Variants in CUX1 observed in about 807,000 individuals in gnomAD.
CUX1 encodes protein CASP.
Under a neutral mutation model 158.8 loss-of-function variants are expected in CUX1, and 31 were observed. The ratio of observed to expected loss-of-function variants is 0.20; its 90% CI spans 0.15 to 0.26. The LOEUF is 0.26. Among genes scored for constraint, CUX1 ranks in the 10% least tolerant of loss-of-function variants. CUX1 has a pLI of 1.00. For synonymous variants in CUX1, 879 were observed against 862.1 expected (o/e 1.02, Z -0.34); for missense variants, 1,589 against 2,014.6 (o/e 0.79, Z 4.04).
intron 4 of CUX1, among the ~76,000 whole-genome samples, chr7:102,078,613 A>G (rs1425751125): frequency 6.6e-6 from 1 of 152,166 alleles, no homozygotes; most frequent in Non-Finnish European, 1.5e-5. Flanking sequence ...TTTAAGATTT[A>G]AATCTTAGGA....
At chr7:102,001,930 A>G (rs1217968717) in intron 2 of CUX1, among the ~76,000 whole-genome samples, 2 of 152,218 alleles carry the variant, frequency 1.3e-5, no homozygotes, top group Non-Finnish European at 2.9e-5. Flanking sequence ...TCCTTTAGCT[A>G]TAGCGTTGGA....
intron 1 of CUX1, among the ~76,000 whole-genome samples, chr7:101,901,225 G>A (rs1000393364): frequency 3.3e-5 from 5 of 151,868 alleles, no homozygotes; most frequent in African/African-American, 1.2e-4. Context: ...GAAGAAACAG[G>A]GCTATACAAA....
intron 2 of CUX1, among the ~76,000 whole-genome samples, chr7:101,993,836 C>T (rs1280762870): frequency 6.6e-6 from 1 of 152,186 alleles, no homozygotes; most frequent in South Asian, 2.1e-4. Flanking sequence ...ACCCCTTCAT[C>T]CTCTGTGCTT....
At chr7:101,961,893 A>AT (rs1810545815) in intron 2 of CUX1, 1 of 151,968 alleles carries the variant, frequency 6.6e-6, no homozygotes, top group South Asian at 2.1e-4. Flanking sequence ...AAAAAAAAAA[A>AT]ATTGCAGAGA....
intron 10 of CUX1, 115 bp from the exon 11 acceptor site, chr7:102,178,354 A>G: frequency 9.7e-7 from 1 of 1,036,090 alleles, no homozygotes; most frequent in Non-Finnish European, 1.4e-6. Flanking sequence ...ACATCCTGCC[A>G]TCACCATCCA....
At chr7:101,912,118 C>T (rs1330904044) in intron 1 of CUX1, among the ~76,000 whole-genome samples, 8 of 151,984 alleles carry the variant, frequency 5.3e-5, no homozygotes, top group African/African-American at 1.5e-4. Context: ...TAGTTCTGAG[C>T]GGATACCCTC....
intron 1 of CUX1, among the ~76,000 whole-genome samples, chr7:101,904,460 G>T (rs938662710): frequency 6.6e-6 from 1 of 152,040 alleles, no homozygotes; most frequent in African/African-American, 2.4e-5. Flanking sequence ...TGGAAAGGCC[G>T]CAGCTTGTAA....
At chr7:102,258,404 G>C (rs1554542821), downstream of CUX1, among the ~76,000 whole-genome samples, 1 of 152,154 alleles carries the variant, frequency 6.6e-6, no homozygotes, top group Non-Finnish European at 1.5e-5. Context: ...AAAACCGTGT[G>C]GTTCTAGGAT....
intron 22 of CUX1, among the ~76,000 whole-genome samples, chr7:102,239,102 G>A (rs1049027245): frequency 6.6e-6 from 1 of 152,174 alleles, no homozygotes; most frequent in Admixed American, 6.5e-5. Context: ...GGCCAGGCTG[G>A]TCTTGAACTC....
Position 102,196,824 on chromosome 7 carries a change from C to T in CUX1, c.1413C>T (p.Pro471=). Residue 471 remains proline (P), a synonymous_variant, in exon 15 of 24, where the codon CCC becomes CCT. Transcript: ENST00000292535. ...CATCCCTGGCAAGCCCCAGCCTACC[C>T]CTGGCTTCTACAGGAAAATTTGCAC... ...FSSSLASPSL[P]LASTGKFALN... 1 of 1,614,192 alleles carries T rather than the reference C, an allele frequency of 6.2e-7. No homozygotes were observed. The highest frequency in any genetic ancestry group is 8.5e-7 in the Non-Finnish European group (1 of 1,180,042).
chr7:101,859,469 C>A (rs756163856), intron 1 of CUX1, among the ~76,000 whole-genome samples: 3 of 152,190 alleles, frequency 2.0e-5, no homozygotes, highest in Non-Finnish European at 4.4e-5. Context: ...CTGTTCTTTT[C>A]CATTTCCTAC....
Position 102,251,030 on chromosome 7 carries a change from A to G in CUX1, c.*1988A>G, listed in dbSNP as rs1490399095. The stretch of plus-strand genomic sequence containing the variant: ...TTTATTATCTGATTGTTAGGAAGGG[A>G]TGAAAGGGGCAAATATTCTTTAGAG... On this transcript the variant is annotated 3_prime_UTR_variant, in exon 24 of 24. Coordinates refer to ENST00000292535, the MANE Select transcript of CUX1 (RefSeq NM_181552.4). The G allele has an allele frequency of 2.5e-5, 25 of 982,310 alleles. 1 individual carries two copies. Among genetic ancestry groups the G allele is most frequent in the Non-Finnish European group, 1.2e-6 (1 of 827,488 alleles). The allele number at this position is 982,310 out of a possible 1,614,324, so 60.8% of individuals were successfully genotyped here. A position where few individuals can be genotyped will look rare whatever the true frequency, so the allele number is the denominator to read the frequency against.
At chr7:102,264,358 G>T (rs1321536660) in intron 14 of CUX1, among the ~76,000 whole-genome samples, 1 of 152,188 alleles carries the variant, frequency 6.6e-6, no homozygotes, top group Admixed American at 6.5e-5. Flanking sequence ...GAGCCCTGCA[G>T]ATGTGAGAAG....
At chr7:102,008,806 G>T (rs1332321986) in intron 2 of CUX1, among the ~76,000 whole-genome samples, 2 of 152,198 alleles carry the variant, frequency 1.3e-5, no homozygotes, top group African/African-American at 4.8e-5. Context: ...CGAGACCACA[G>T]CACAGTCATG....
Position 101,869,820 on chromosome 7 carries a change from C to T in CUX1, c.31-46295C>T, listed in dbSNP as rs1033994903. On this transcript the variant is annotated intron_variant, in intron 1 of 23. Coordinates refer to ENST00000292535, the MANE Select transcript of CUX1 (RefSeq NM_181552.4). This position sits in a 1 kb window ranked among gnomAD's most constrained non-coding sequence, Gnocchi z 4.5. ...TGTAAACCCCGGTTTCAGCTTTCCC[C>T]GTGGCTCCCCTCCGCCAAATCTTAA... Among the ~76,000 whole-genome samples, 3 of 152,162 alleles carry T rather than the reference C, an allele frequency of 2.0e-5. No homozygotes were observed. The highest frequency in any genetic ancestry group is 2.9e-5 in the Non-Finnish European group (2 of 68,014).
intron 11 of CUX1, 99 bp from the exon 12 acceptor site, chr7:102,189,712 CCT>C: frequency 7.8e-7 from 1 of 1,281,032 alleles, no homozygotes; most frequent in Non-Finnish European, 1.1e-6. Context: ...GCTGGCTTCC[CCT>C]CTCAGGCACA....
chr7:102,152,600 C>T (rs1436355460), intron 8 of CUX1, among the ~76,000 whole-genome samples: 6 of 152,184 alleles, frequency 3.9e-5, no homozygotes, highest in Non-Finnish European at 8.8e-5. Flanking sequence ...CCATGTTGGC[C>T]AAGCTAGTCT....
At position 102,193,726 on chromosome 7, in the gene CUX1, A is replaced by G. The variant is rs918325467; in HGVS notation, c.1077-116A>G. The G allele has an allele frequency of 3.9e-6, 4 of 1,015,584 alleles. No individual in the cohort carries two copies. In the East Asian group the frequency reaches 1.1e-4, roughly 27 times the overall value. 62.9% of individuals were successfully genotyped at this position (1,015,584 alleles called of 1,614,324 possible). Reference sequence around the variant, plus strand: ...AGGCTGAGGTAGGAGAATCGCTTGAACCTGGGCAGAGGTTGCAGTGAGCCA... The same window carrying G: ...AGGCTGAGGTAGGAGAATCGCTTGAGCCTGGGCAGAGGTTGCAGTGAGCCA... On this transcript the variant is annotated intron_variant, in intron 12 of 23. Coordinates refer to ENST00000292535, the MANE Select transcript of CUX1 (RefSeq NM_181552.4).
chr7:101,903,734 TA>T (rs1295613030), intron 1 of CUX1, among the ~76,000 whole-genome samples: 1 of 152,146 alleles, frequency 6.6e-6, no homozygotes, highest in African/African-American at 2.4e-5. Flanking sequence ...TCTCACCGTT[TA>T]AATGAGCGTC....
Sources: gnomAD v4.1 joint callset for allele counts (sites outside exome capture counted in the v4.1 genomes callset) on GRCh38, gnomAD v4.1.1 for gene constraint, Gnocchi (gnomAD v3.1) non-coding constraint, MANE v1.5 for transcripts, NCBI Gene and HGNC (gene_info 2026-07-23, HGNC 2026-07-21) for gene names.